The following SLMAP variants were observed in gnomAD, a reference collection of about 807,000 sequenced individuals.
SLMAP encodes the protein sarcolemma associated protein.
SLMAP carries 44 observed loss-of-function variants against 128.8 expected under a neutral mutation model. The observed-to-expected ratio is 0.34, with a 90% confidence interval of 0.27 to 0.44. The LOEUF (loss-of-function observed/expected upper bound fraction) is 0.44, where lower values mean the gene tolerates loss of function less well. Among genes scored for constraint, SLMAP ranks in the 20% least tolerant of loss-of-function variants. SLMAP has a pLI of 1.00. For missense variants in SLMAP, 787 were observed against 985.3 expected, an observed-to-expected ratio of 0.80 and a Z score of 2.69; for synonymous variants, 327 against 348.8, an observed-to-expected ratio of 0.94 and a Z score of 0.70.
At chr3:57,831,725 G>A (rs376810593) in intron 3 of SLMAP, among the ~76,000 whole-genome samples, 195 bp downstream of exon 3, 28 of 152,212 alleles carry the variant, frequency 1.8e-4, no homozygotes, top group African/African-American at 6.5e-4. Flanking sequence ...GTGTTATTTA[G>A]TAGTTTATAT....
chr3:57,772,393 T>A (rs2081061079), intron 2 of SLMAP, among the ~76,000 whole-genome samples: 2 of 152,242 alleles, frequency 1.3e-5, no homozygotes, highest in Admixed American at 6.5e-5. Flanking sequence ...TTGGGTTGTT[T>A]TCAGAATCGT....
At chr3:57,857,206 C>G (rs919246923) in intron 6 of SLMAP, among the ~76,000 whole-genome samples, 2 of 152,120 alleles carry the variant, frequency 1.3e-5, no homozygotes, top group Non-Finnish European at 2.9e-5. Context: ...TAGAGAACCT[C>G]TAATAGCAGT....
chr3:57,921,043 G>A (rs553937641), intron 22 of SLMAP, among the ~76,000 whole-genome samples: 1 of 151,796 alleles, frequency 6.6e-6, no homozygotes, highest in South Asian at 2.1e-4. Flanking sequence ...ATGGCAGAGT[G>A]GGGTAGTGGA....
At position 57,861,985 on chromosome 3, in the gene SLMAP, C is replaced by A; in HGVS notation, c.865C>A (p.Leu289Met). Residue 289 changes from leucine to methionine, a missense_variant, in exon 10 of 25, where the codon CTG becomes ATG. Around this residue, in one of 2 missense-constraint regions of SLMAP, gnomAD observed 715 missense variants for 843.6 expected, o/e 0.85. Transcript: ENST00000671191. ...TAATACTGAAGATGAATGTACCCAT[C>A]TGAAAGAAATGAATGAAAGGACTCA... Reference protein sequence around the residue: ...LSNTEDECTHLKEMNERTQEE... With the variant: ...LSNTEDECTHMKEMNERTQEE... 6.2e-7 allele frequency: 1 copy of A among 1,611,864 alleles called. No individual in the cohort carries two copies. The highest frequency in any genetic ancestry group is 8.5e-7 in the Non-Finnish European group (1 of 1,178,278).
intron 2 of SLMAP, among the ~76,000 whole-genome samples, chr3:57,781,216 CA>C (rs929734526): frequency 7.3e-5 from 11 of 150,832 alleles, no homozygotes; most frequent in African/African-American, 2.2e-4. Context: ...GAGACCCTCT[CA>C]AAAAAAAGGA....
intron 13 of SLMAP, 30 bp downstream of exon 13, chr3:57,865,322 C>CT (rs1384673416): frequency 1.2e-5 from 11 of 917,484 alleles, no homozygotes; most frequent in Admixed American, 2.5e-5. Flanking sequence ...TATATATATA[C>CT]TTTTTATGAT....
intron 15 of SLMAP, among the ~76,000 whole-genome samples, chr3:57,894,797 G>C (rs2096196499): frequency 6.6e-6 from 1 of 152,114 alleles, no homozygotes; most frequent in Non-Finnish European, 1.5e-5. Context: ...ATAATTGCAG[G>C]ACATAATGCA....
chr3:57,878,939 A>G (rs1432227475), intron 14 of SLMAP, among the ~76,000 whole-genome samples: 1 of 152,230 alleles, frequency 6.6e-6, no homozygotes, highest in Non-Finnish European at 1.5e-5. Context: ...TCAGATCCCT[A>G]GGAAACTGAC....
At chr3:57,777,669 A>G (rs987431343) in intron 2 of SLMAP, among the ~76,000 whole-genome samples, 1 of 152,238 alleles carries the variant, frequency 6.6e-6, no homozygotes, top group Middle Eastern at 3.2e-3. Flanking sequence ...TAGTATTCAG[A>G]AAATAGAAAT....
At chr3:57,781,943 A>G (rs2083175803) in intron 2 of SLMAP, among the ~76,000 whole-genome samples, 1 of 152,110 alleles carries the variant, frequency 6.6e-6, no homozygotes, top group African/African-American at 2.4e-5. Context: ...CATGTTGGCC[A>G]GGCTGGTCTC....
chr3:57,906,310 C>CTTTCTTTTTTTTTTTTTTTTTTTTTT (rs2096548355), intron 17 of SLMAP, among the ~76,000 whole-genome samples: 1 of 47,048 alleles, frequency 2.1e-5, no homozygotes, highest in East Asian at 9.8e-4. Context: ...CTTTTTTTTT[C>CTTTCTTTTTTTTTTTTTTTTTTTTTT]TTTTTTTTTT....
chr3:57,773,755 A>G (rs1006866655), intron 2 of SLMAP, among the ~76,000 whole-genome samples: 6 of 152,214 alleles, frequency 3.9e-5, no homozygotes, highest in Non-Finnish European at 5.9e-5. Flanking sequence ...TGAGCAGACA[A>G]GATTTGAAGA....
chr3:57,767,761 G>A (rs1189535634), intron 2 of SLMAP, among the ~76,000 whole-genome samples: 3 of 152,062 alleles, frequency 2.0e-5, no homozygotes, highest in African/African-American at 4.8e-5. Context: ...AACTATGGGA[G>A]TTTTTTTCCC....
intron 18 of SLMAP, among the ~76,000 whole-genome samples, chr3:57,908,354 T>C (rs985580968): frequency 9.8e-5 from 15 of 152,366 alleles, no homozygotes; most frequent in African/African-American, 2.9e-4. Context: ...CATTCTTTTC[T>C]AGTAGCTCAC....
intron 2 of SLMAP, among the ~76,000 whole-genome samples, chr3:57,825,336 A>G (rs1051168464): frequency 2.9e-4 from 44 of 151,890 alleles, no homozygotes; most frequent in African/African-American, 1.0e-3. Context: ...GAATGCTTTC[A>G]GTCTTTTACT....
chr3:57,824,033 A>G (rs942602857), intron 2 of SLMAP, among the ~76,000 whole-genome samples: 2 of 152,190 alleles, frequency 1.3e-5, no homozygotes, highest in African/African-American at 2.4e-5. Context: ...TCTTAAATAT[A>G]CCCACAGAGG....
chr3:57,819,263 T>G (rs938784449), intron 2 of SLMAP, among the ~76,000 whole-genome samples: 7 of 152,186 alleles, frequency 4.6e-5, no homozygotes, highest in Non-Finnish European at 8.8e-5. Flanking sequence ...CGAAGAAATA[T>G]GAGTAAAGAC....
intron 2 of SLMAP, among the ~76,000 whole-genome samples, chr3:57,775,470 C>A (rs1183438696): frequency 1.7e-5 from 2 of 119,606 alleles, no homozygotes; most frequent in African/African-American, 6.5e-5. Flanking sequence ...CCCAGGAATT[C>A]AAGACCAGCC....
At chr3:57,774,440 CT>C (rs1370994515) in intron 2 of SLMAP, among the ~76,000 whole-genome samples, 1 of 151,878 alleles carries the variant, frequency 6.6e-6, no homozygotes, top group Non-Finnish European at 1.5e-5. Flanking sequence ...TTTCACTAAT[CT>C]TTATTATTAT....
Sources: gnomAD v4.1 joint callset for allele counts (sites outside exome capture counted in the v4.1 genomes callset) on GRCh38, gnomAD v4.1.1 for gene constraint, gnomAD v4.1.1 regional missense constraint, MANE v1.5 for transcripts, NCBI Gene and HGNC (gene_info 2026-07-23, HGNC 2026-07-21) for gene names.